Variants in CELF2 observed in about 807,000 individuals in gnomAD.
The protein encoded by CELF2 is CUGBP Elav-like family member 2, also known as CUG triplet repeat RNA-binding protein 2.
Under a neutral mutation model 62.6 loss-of-function variants are expected in CELF2, and 8 were observed. The observed-to-expected ratio is 0.13, with a 90% confidence interval of 0.07 to 0.23. The LOEUF (loss-of-function observed/expected upper bound fraction) is 0.23. Among genes scored for constraint, CELF2 ranks in the 10% least tolerant of loss-of-function variants. The pLI, the probability that CELF2 is intolerant of heterozygous loss-of-function variation, is 1.00. For synonymous variants in CELF2, 258 were observed against 250.0 expected (o/e 1.03, Z -0.30); for missense variants, 333 against 671.0 (o/e 0.50, Z 5.56).
In CELF2 at chr10:11,049,233, CCTGT is replaced by C. The variant is rs554307614; in HGVS notation, c.74+31073_74+31076del. ...GCCATCTTTTTTTTTTTTAAAACTG[CCTGT>C]CTTTTTTTCTCCTTACAACTTCCTA... On this transcript the variant is annotated intron_variant, in intron 1 of 12. Coordinates refer to ENST00000633077, the MANE Select transcript of CELF2 (RefSeq NM_001326342.2). 2.7e-3 allele frequency among the ~76,000 whole-genome samples: 403 copies of C among 149,826 alleles called. 2 individuals are homozygous for C. Among genetic ancestry groups the C allele is most frequent in the African/African-American group, 9.0e-3 (368 of 40,854 alleles).
At chr10:10,948,234 C>T (rs1228624483) in intron 2 of CELF2, 3 of 152,436 alleles carry the variant, frequency 2.0e-5, no homozygotes, top group Non-Finnish European at 1.5e-5. Flanking sequence ...AGTATCTCAA[C>T]ACAGACCTTG....
chr10:11,162,434 CA>C (rs1176786928), intron 1 of CELF2, among the ~76,000 whole-genome samples: 1 of 152,084 alleles, frequency 6.6e-6, no homozygotes, highest in East Asian at 1.9e-4. Context: ...GAACTTGATG[CA>C]AATCTTTGGA....
At chr10:10,809,194 T>TC (rs2055576257) in intron 1 of CELF2, among the ~76,000 whole-genome samples, 3 of 151,526 alleles carry the variant, frequency 2.0e-5, no homozygotes, top group Non-Finnish European at 2.9e-5. Context: ...TGCCTCCCTC[T>TC]TTCTCTCTCT....
At chr10:10,599,034 G>A in the CELF2 span, among the ~76,000 whole-genome samples, 2 of 151,958 alleles carry the variant, frequency 1.3e-5, no homozygotes, top group South Asian at 4.2e-4. Flanking sequence ...TTACAGACGT[G>A]AGCCATCATG....
rs12768406 is a variant in CELF2, at chr10:10,921,422, C to T, written c.89+1423C>T. Among the ~76,000 whole-genome samples, 4 of 152,124 alleles carry T rather than the reference C, an allele frequency of 2.6e-5. No homozygotes were observed. In the South Asian group the frequency reaches 6.2e-4, roughly 24 times the overall value. ...TAGCTGGGATTACAGGCGTGCACCA[C>T]TACGCCCAGCTAACTTTTGTATTTT... On this transcript the variant is annotated intron_variant, in intron 2 of 13. Coordinates refer to the CELF2 transcript ENST00000636488.
chr10:11,091,786 T>TA (rs2048384223), intron 1 of CELF2, among the ~76,000 whole-genome samples: 1 of 152,214 alleles, frequency 6.6e-6, no homozygotes, highest in South Asian at 2.1e-4. Context: ...AACATGAACT[T>TA]ACCACTGTCA....
chr10:10,783,975 A>G, the CELF2 span, among the ~76,000 whole-genome samples: 1 of 152,074 alleles, frequency 6.6e-6, no homozygotes, highest in Non-Finnish European at 1.5e-5. Flanking sequence ...TGGCAGAGCA[A>G]GACTCCTTCC....
rs190801179 is a variant in CELF2 at position 11,196,485 on chromosome 10, G to A, written c.272-20940G>A. Among the ~76,000 whole-genome samples the A allele has an allele frequency of 1.5e-4, 22 of 151,674 alleles. No homozygotes were observed. In the East Asian group the frequency reaches 3.3e-3, roughly 23 times the overall value. On this transcript the variant is annotated intron_variant, in intron 2 of 12. Coordinates refer to ENST00000633077, the MANE Select transcript of CELF2 (RefSeq NM_001326342.2). ...GCAAGACCAGCCTGGGCAATACAGC[G>A]AGACCCCCAGCTCTGCAAAAAAAAT...
the CELF2 span, among the ~76,000 whole-genome samples, chr10:10,503,351 A>G: frequency 1.3e-5 from 2 of 151,756 alleles, no homozygotes; most frequent in East Asian, 3.9e-4. Context: ...CTAATTGCGA[A>G]TTTTTCTACT....
At chr10:10,911,555 C>A (rs190099804) in intron 1 of CELF2, among the ~76,000 whole-genome samples, 3 of 152,332 alleles carry the variant, frequency 2.0e-5, no homozygotes, top group Admixed American at 2.0e-4. Context: ...TTCCAAGCAC[C>A]GCGCAGTGCA....
intron 1 of CELF2, among the ~76,000 whole-genome samples, chr10:11,036,471 A>G (rs893195020): frequency 6.6e-6 from 1 of 152,228 alleles, no homozygotes; most frequent in African/African-American, 2.4e-5. Flanking sequence ...TTCAGTCTCA[A>G]TATTTACCTT....
At chr10:11,088,704 A>T (rs1332856287) in intron 1 of CELF2, among the ~76,000 whole-genome samples, 6 of 152,206 alleles carry the variant, frequency 3.9e-5, no homozygotes, top group African/African-American at 1.4e-4. Flanking sequence ...TCCCATACTT[A>T]GTTGCATAGA....
At chr10:11,112,099 A>G (rs993704112) in intron 1 of CELF2, among the ~76,000 whole-genome samples, 5 of 152,228 alleles carry the variant, frequency 3.3e-5, no homozygotes, top group East Asian at 3.9e-4. Flanking sequence ...TTACATATAC[A>G]TGGAATAGTA....
chr10:11,079,588 A>C (rs1251090617), intron 1 of CELF2, among the ~76,000 whole-genome samples: 3 of 152,084 alleles, frequency 2.0e-5, no homozygotes, highest in African/African-American at 7.2e-5. Context: ...ATTCATTCTC[A>C]CTCCTGCCTC....
intron 9 of CELF2, among the ~76,000 whole-genome samples, chr10:11,293,937 G>T (rs531678666): frequency 3.3e-5 from 5 of 152,144 alleles, no homozygotes; most frequent in Non-Finnish European, 7.3e-5. Flanking sequence ...CAGGGTCAGC[G>T]TACCCACCCA....
Position 11,248,960 on chromosome 10 carries a change from G to A in CELF2, c.355-193G>A, listed in dbSNP as rs896631242. Among the ~76,000 whole-genome samples the A allele has an allele frequency of 5.9e-5, 9 of 152,342 alleles. No individual in the cohort carries two copies. The South Asian group carries it at 1.0e-3, about 18-fold the overall frequency. On this transcript the variant is annotated intron_variant, in intron 3 of 12. Coordinates refer to ENST00000633077, the MANE Select transcript of CELF2 (RefSeq NM_001326342.2). ...AATATGTTCTGTGTTACAGGGCCCC[G>A]TGACTTCAAAGGGTTTGATTCCCGA...
chr10:10,842,024 T>A (rs1415635810), intron 1 of CELF2, among the ~76,000 whole-genome samples: 4 of 152,096 alleles, frequency 2.6e-5, no homozygotes, highest in African/African-American at 9.6e-5. Context: ...TAGGTTTATA[T>A]CTAAATATTT....
At chr10:10,949,527 C>T (rs1156437763) in intron 2 of CELF2, among the ~76,000 whole-genome samples, 1 of 151,968 alleles carries the variant, frequency 6.6e-6, no homozygotes, top group Non-Finnish European at 1.5e-5. Context: ...CATGGTGGCT[C>T]ATGCCTGTAA....
Position 11,249,607 on chromosome 10 carries a change from G to A in CELF2, c.403+406G>A, listed in dbSNP as rs186269365. On this transcript the variant is annotated intron_variant, in intron 4 of 12. Coordinates refer to ENST00000633077, the MANE Select transcript of CELF2 (RefSeq NM_001326342.2). Reference sequence around the variant, plus strand: ...GGCTTTCTGTGGGTGGGGGAGGGGCGTTGGTTTTTGTTTTTTTACCTTTTG... The same window carrying A: ...GGCTTTCTGTGGGTGGGGGAGGGGCATTGGTTTTTGTTTTTTTACCTTTTG... Among the ~76,000 whole-genome samples, 20 of 152,282 alleles carry A rather than the reference G, an allele frequency of 1.3e-4. 1 individual carries two copies. In the East Asian group the frequency reaches 1.9e-3, roughly 15 times the overall value.
Sources: gnomAD v4.1 joint callset for allele counts (sites outside exome capture counted in the v4.1 genomes callset) on GRCh38, gnomAD v4.1.1 for gene constraint, MANE v1.5 for transcripts, NCBI Gene and HGNC (gene_info 2026-07-23, HGNC 2026-07-21) for gene names.